CNBD1: variants seen among roughly 807,000 people sequenced by gnomAD.
The protein encoded by CNBD1 is cyclic nucleotide binding domain containing 1, also known as cyclic nucleotide-binding domain-containing protein 1.
CNBD1 carries 71 observed loss-of-function variants against 54.4 expected under a neutral mutation model. The observed-to-expected ratio is 1.30, with a 90% CI of 1.08 to 1.59. The LOEUF is 1.59. Among genes scored for constraint, CNBD1 ranks in the 40% most tolerant of loss-of-function variants. The pLI is 0.00. For missense variants in CNBD1, 659 were observed against 518.0 expected (o/e 1.27, Z -2.64); for synonymous variants, 182 against 170.7 (o/e 1.07, Z -0.51).
intron 5 of CNBD1, among the ~76,000 whole-genome samples, chr8:87,222,576 C>A (rs936657013): frequency 6.6e-6 from 1 of 152,122 alleles, no homozygotes; most frequent in Non-Finnish European, 1.5e-5. Context: ...GGATTCACCA[C>A]TGACAATATG....
chr8:87,091,497 T>C (rs1291665625), intron 4 of CNBD1, among the ~76,000 whole-genome samples: 1 of 152,202 alleles, frequency 6.6e-6, no homozygotes, highest in Non-Finnish European at 1.5e-5. Flanking sequence ...TGTCATCTAA[T>C]AGCCCTGTGC....
intron 4 of CNBD1, among the ~76,000 whole-genome samples, chr8:87,070,576 AAG>A (rs1810740707): frequency 6.6e-6 from 1 of 152,036 alleles, no homozygotes; most frequent in Admixed American, 6.6e-5. Flanking sequence ...TTGTGAGAAA[AAG>A]AGATTTTTTT....
At chr8:87,029,970 A>G (rs1422426259) in intron 4 of CNBD1, among the ~76,000 whole-genome samples, 1 of 152,210 alleles carries the variant, frequency 6.6e-6, no homozygotes, top group African/African-American at 2.4e-5. Flanking sequence ...AATATAGTCA[A>G]TTGAAAGTAA....
chr8:87,139,589 C>CT (rs1476856112), intron 4 of CNBD1, among the ~76,000 whole-genome samples: 1 of 152,116 alleles, frequency 6.6e-6, no homozygotes, highest in Non-Finnish European at 1.5e-5. Context: ...CTGCTGCTGC[C>CT]TAGAGTGGTG....
intron 2 of CNBD1, among the ~76,000 whole-genome samples, chr8:87,399,603 C>A (rs1448692611): frequency 6.6e-6 from 1 of 151,888 alleles, no homozygotes; most frequent in Non-Finnish European, 1.5e-5. Flanking sequence ...CAAATGAGAG[C>A]AGGAGTGTTA....
intron 6 of CNBD1, among the ~76,000 whole-genome samples, chr8:87,262,203 A>C (rs895098269): frequency 1.3e-5 from 2 of 152,142 alleles, no homozygotes; most frequent in African/African-American, 4.8e-5. Context: ...TAATTGTTGA[A>C]CATTATGTTT....
At position 87,360,113 on chromosome 8, in the gene CNBD1, A is replaced by G. The variant is rs191364007; in HGVS notation, c.1303+6327A>G. On this transcript the variant is annotated intron_variant, in intron 10 of 10. Transcript: ENST00000518476. ...TCAGTTCATCTTGAATGAATCAACA[A>G]TATTTGGTAAATACCCAAAGAGAGC... Among the ~76,000 whole-genome samples, 68 of 152,144 alleles carry G rather than the reference A, an allele frequency of 4.5e-4. 1 individual carries two copies. In the East Asian group the frequency reaches 0.012, roughly 27 times the overall value.
At chr8:87,396,232 C>T (rs1038037771) in intron 2 of CNBD1, among the ~76,000 whole-genome samples, 1 of 152,046 alleles carries the variant, frequency 6.6e-6, no homozygotes, top group Non-Finnish European at 1.5e-5. Context: ...TGAGATACTA[C>T]AGTCTTCTTC....
intron 8 of CNBD1, among the ~76,000 whole-genome samples, chr8:87,327,421 T>G (rs1809703699): frequency 6.6e-6 from 1 of 152,092 alleles, no homozygotes; most frequent in Non-Finnish European, 1.5e-5. Context: ...TGCCTTGCAG[T>G]TTGATCTCAG....
chr8:87,007,369 T>C (rs534774770), intron 4 of CNBD1, among the ~76,000 whole-genome samples: 1 of 152,106 alleles, frequency 6.6e-6, no homozygotes, highest in Non-Finnish European at 1.5e-5. Context: ...CATAAGCTCT[T>C]ATTTTTATTT....
rs148699931 is a variant in CNBD1 at position 87,371,263 on chromosome 8, G to A, written c.1304-11357G>A. Among the ~76,000 whole-genome samples, 913 of 151,908 alleles carry A rather than the reference G, an allele frequency of 6.0e-3. 10 individuals carry two copies. The highest frequency in any genetic ancestry group is 0.045 in the East Asian group (232 of 5,140). ...AAAGTAGTTTTTTCCATTTCTGTGA[G>A]GAAAGTCATTGGTAGCTTGATGGGG... On this transcript the variant is annotated intron_variant, in intron 10 of 10. Transcript: ENST00000518476.
chr8:86,879,744 C>T (rs1029461350), intron 1 of CNBD1, among the ~76,000 whole-genome samples: 4 of 151,870 alleles, frequency 2.6e-5, no homozygotes, highest in Non-Finnish European at 5.9e-5. Context: ...TGGTGGCGGG[C>T]GCCTGTAGTC....
intron 5 of CNBD1, among the ~76,000 whole-genome samples, chr8:87,236,396 C>G (rs1427080186): frequency 6.6e-6 from 1 of 152,024 alleles, no homozygotes; most frequent in Non-Finnish European, 1.5e-5. Context: ...ATGGGAAAAA[C>G]TCTTCTTTCT....
chr8:87,112,979 C>T (rs1371691667), intron 4 of CNBD1, among the ~76,000 whole-genome samples: 2 of 152,142 alleles, frequency 1.3e-5, no homozygotes, highest in Admixed American at 1.3e-4. Flanking sequence ...GAAGCTAGGA[C>T]ATGATATGGT....
chr8:87,343,495 C>T (rs1401895730), intron 8 of CNBD1, among the ~76,000 whole-genome samples: 9 of 152,170 alleles, frequency 5.9e-5, no homozygotes, highest in African/African-American at 1.7e-4. Flanking sequence ...CCGGTCCCTC[C>T]ATTCGGGGTC....
At chr8:86,989,307 AC>A (rs1808684367) in intron 4 of CNBD1, among the ~76,000 whole-genome samples, 4 of 149,822 alleles carry the variant, frequency 2.7e-5, no homozygotes, top group African/African-American at 1.0e-4. Context: ...ACAAATAAAT[AC>A]ATACATACAT....
At chr8:87,159,473 T>C (rs564236509) in intron 4 of CNBD1, among the ~76,000 whole-genome samples, 1 of 152,170 alleles carries the variant, frequency 6.6e-6, no homozygotes, top group African/African-American at 2.4e-5. Context: ...TTGCGATAGC[T>C]CCTTTGTCTT....
At chr8:86,987,243 C>T (rs1808629355) in intron 4 of CNBD1, among the ~76,000 whole-genome samples, 1 of 152,004 alleles carries the variant, frequency 6.6e-6, no homozygotes, top group East Asian at 1.9e-4. Flanking sequence ...TAGCTGCATT[C>T]CTAGGTATTT....
intron 9 of CNBD1, 24 bp from the exon 10 acceptor site, chr8:87,353,612 A>T (rs374595709): frequency 1.0e-5 from 15 of 1,476,518 alleles, no homozygotes; most frequent in East Asian, 9.2e-5. Context: ...TGCATTAAAC[A>T]TCAATAATAT....
Sources: allele counts gnomAD v4.1 joint callset (sites outside exome capture counted in the v4.1 genomes callset), GRCh38; gene constraint gnomAD v4.1.1; transcripts MANE v1.5; gene names NCBI Gene and HGNC (gene_info 2026-07-23, HGNC 2026-07-21).